The following CASD1 variants were observed in gnomAD, a reference collection of about 807,000 sequenced individuals.
CASD1 encodes CAS1 domain sialic acid O acetyltransferase 1.
A neutral mutation model predicts 100.0 loss-of-function variants in CASD1; 41 were observed. The ratio of observed to expected loss-of-function variants is 0.41; its 90% CI spans 0.32 to 0.53. The LOEUF is 0.53. Ranked by LOEUF, CASD1 falls within the 20% of genes least tolerant of loss-of-function variation. CASD1 has a pLI of 0.25. For synonymous variants in CASD1, 321 were observed against 315.6 expected (o/e 1.02, Z -0.18); for missense variants, 774 against 948.7 (o/e 0.82, Z 2.42).
the CASD1 span, chr7:94,622,414 A>G: frequency 0.14 from 21,760 of 152,132 alleles, 1,676 homozygotes; most frequent in South Asian, 0.25. Flanking sequence ...GATCACATGA[A>G]GTCCGGAGTT....
At chr7:94,566,494 T>A in the CASD1 span, among the ~76,000 whole-genome samples, 1 of 152,154 alleles carries the variant, frequency 6.6e-6, no homozygotes, top group Admixed American at 6.5e-5. Flanking sequence ...AGACCACTTT[T>A]AACATCCTTA....
the CASD1 span, among the ~76,000 whole-genome samples, chr7:94,572,389 T>C: frequency 3.4e-4 from 52 of 152,290 alleles, no homozygotes; most frequent in African/African-American, 1.1e-3. Flanking sequence ...AACATATAGT[T>C]GGATTATGTT....
At chr7:94,578,821 T>A in the CASD1 span, among the ~76,000 whole-genome samples, 1 of 152,146 alleles carries the variant, frequency 6.6e-6, no homozygotes, top group Non-Finnish European at 1.5e-5. Flanking sequence ...TACATTGCCT[T>A]TGGGTCTGTG....
intron 3 of CASD1, among the ~76,000 whole-genome samples, chr7:94,520,639 A>T (rs1003348177): frequency 6.6e-6 from 1 of 152,164 alleles, no homozygotes; most frequent in African/African-American, 2.4e-5. Flanking sequence ...TCTATGTCAA[A>T]CCAACTGGAG....
chr7:94,576,542 G>A, the CASD1 span, among the ~76,000 whole-genome samples: 1 of 152,216 alleles, frequency 6.6e-6, no homozygotes, highest in African/African-American at 2.4e-5. Context: ...TATGATGAAT[G>A]CCTGGTTTTG....
At chr7:94,548,634 C>G (rs1795797025) in intron 13 of CASD1, among the ~76,000 whole-genome samples, 1 of 151,692 alleles carries the variant, frequency 6.6e-6, no homozygotes, top group South Asian at 2.1e-4. Flanking sequence ...TTATAAAGTT[C>G]TTCTGACCTA....
the CASD1 span, among the ~76,000 whole-genome samples, chr7:94,601,116 T>C: frequency 2.3e-4 from 35 of 152,110 alleles, no homozygotes; most frequent in Non-Finnish European, 3.8e-4. Flanking sequence ...TGTGTACATA[T>C]TTAACGTGTG....
At chr7:94,586,083 A>AG in the CASD1 span, among the ~76,000 whole-genome samples, 1 of 150,796 alleles carries the variant, frequency 6.6e-6, no homozygotes, top group East Asian at 1.9e-4. Flanking sequence ...AAAAAAAAAA[A>AG]AAAACAACAA....
rs2116282991 is a variant in CASD1, at chr7:94,529,013, T to C, written c.459+763T>C. ...ACCACATCATACAATAAATAGGCTT[T>C]TGTAGGATCCTGTGGGAACCTAGCC... On this transcript the variant is annotated intron_variant, in intron 5 of 17. Transcript: ENST00000297273. 1.3e-5 allele frequency among the ~76,000 whole-genome samples: 2 copies of C among 152,280 alleles called. 1 individual carries two copies. Among genetic ancestry groups the C allele is most frequent in the Admixed American group, 1.3e-4 (2 of 15,292 alleles).
the CASD1 span, chr7:94,587,168 T>C: frequency 1.0e-6 from 1 of 984,888 alleles, no homozygotes; most frequent in Non-Finnish European, 1.2e-6. Context: ...CTTATATTTG[T>C]TTAGGCATAA....
chr7:94,595,598 T>C, the CASD1 span, among the ~76,000 whole-genome samples: 2 of 152,252 alleles, frequency 1.3e-5, no homozygotes, highest in African/African-American at 4.8e-5. Flanking sequence ...CAAAATATAA[T>C]ATCACATTTT....
chr7:94,559,310 G>GTA (rs1554417434), downstream of CASD1, among the ~76,000 whole-genome samples: 93 of 125,726 alleles, frequency 7.4e-4, no homozygotes, highest in Middle Eastern at 4.3e-3. Flanking sequence ...GTGTGTATGT[G>GTA]TGTGTGTGTG....
chr7:94,621,173 A>G, the CASD1 span: 2 of 152,198 alleles, frequency 1.3e-5, no homozygotes, highest in Non-Finnish European at 2.9e-5. Flanking sequence ...AATCTGGGAT[A>G]AATAACATGA....
chr7:94,628,680 T>C, the CASD1 span: 1 of 334,516 alleles, frequency 3.0e-6, no homozygotes, highest in Non-Finnish European at 5.6e-6. Flanking sequence ...TCCCTAATCA[T>C]GCTAATGTAC....
At chr7:94,578,187 AAG>A in the CASD1 span, among the ~76,000 whole-genome samples, 8 of 152,308 alleles carry the variant, frequency 5.3e-5, no homozygotes, top group African/African-American at 1.7e-4. Context: ...ATTTGTTGAG[AAG>A]AGAGTTTTCT....
chr7:94,525,433 C>T (rs572434890), intron 3 of CASD1, among the ~76,000 whole-genome samples: 1 of 152,214 alleles, frequency 6.6e-6, no homozygotes, highest in East Asian at 1.9e-4. Context: ...AGTGTGTTGG[C>T]AGTGCTCTGA....
At chr7:94,575,554 A>G in the CASD1 span, among the ~76,000 whole-genome samples, 1 of 152,210 alleles carries the variant, frequency 6.6e-6, no homozygotes, top group Non-Finnish European at 1.5e-5. Context: ...GAGGTCCATC[A>G]GATCCATTTG....
intron 17 of CASD1, among the ~76,000 whole-genome samples, chr7:94,554,928 G>T (rs1796130501): frequency 6.6e-6 from 1 of 151,972 alleles, no homozygotes; most frequent in South Asian, 2.1e-4. Context: ...TTGATTTTTT[G>T]TTCATCTCCA....
At chr7:94,554,684 CG>C (rs1796117642) in intron 17 of CASD1, 109 bp downstream of exon 17, 1 of 573,684 alleles carries the variant, frequency 1.7e-6, no homozygotes, top group Admixed American at 3.2e-5. Context: ...GAAAATCGGA[CG>C]TACTTTTTTC....
Sources: allele counts gnomAD v4.1 joint callset (sites outside exome capture counted in the v4.1 genomes callset), GRCh38; gene constraint gnomAD v4.1.1; transcripts MANE v1.5; gene names NCBI Gene and HGNC (gene_info 2026-07-23, HGNC 2026-07-21).